TXLNB: variants seen among roughly 807,000 people sequenced by gnomAD.
The protein encoded by TXLNB is taxilin beta.
A neutral mutation model predicts 57.4 loss-of-function variants in TXLNB; 37 were observed. That is an observed-to-expected ratio of 0.64 (90% confidence interval 0.50 to 0.85). The LOEUF (loss-of-function observed/expected upper bound fraction) is 0.85. Among genes scored for constraint, TXLNB ranks in the 40% least tolerant of loss-of-function variants. TXLNB has a pLI of 0.00. For synonymous variants in TXLNB, 302 were observed against 309.6 expected, an observed-to-expected ratio of 0.98 and a Z score of 0.26; for missense variants, 848 against 825.6, an observed-to-expected ratio of 1.03 and a Z score of -0.33.
rs761273628 is a variant in TXLNB, at chr6:139,255,462, C to T, written c.1077+102G>A. On this transcript the variant is annotated intron_variant, in intron 7 of 9. Coordinates refer to ENST00000358430, the MANE Select transcript of TXLNB (RefSeq NM_153235.4). ...CATTTCCAATTCCCATCCCCCCATCCCCTGCCACATAGGAGGACTTCTGCT... is the reference window on the plus strand; with the variant it reads ...CATTTCCAATTCCCATCCCCCCATCTCCTGCCACATAGGAGGACTTCTGCT... The T allele has an allele frequency of 5.8e-6, 5 of 856,074 alleles. No homozygotes were observed. The African/African-American group carries it at 8.3e-5, about 14-fold the overall frequency. 53.0% of individuals were successfully genotyped at this position (856,074 alleles called of 1,614,324 possible). A position where few individuals can be genotyped will look rare whatever the true frequency, so the allele number is the denominator to read the frequency against.
At chr6:139,285,076 C>T (rs1421138510) in intron 2 of TXLNB, among the ~76,000 whole-genome samples, 1 of 145,126 alleles carries the variant, frequency 6.9e-6, no homozygotes, top group Admixed American at 6.8e-5. Flanking sequence ...CAAACACAGT[C>T]AGTTGGAATT....
At chr6:139,313,576 T>C in the TXLNB span, among the ~76,000 whole-genome samples, 215 of 151,648 alleles carry the variant, frequency 1.4e-3, no homozygotes, top group African/African-American at 5.0e-3. Context: ...GCAGGAGGTA[T>C]TGTTGAACAT....
the TXLNB span, chr6:139,180,654 T>C: frequency 7.2e-5 from 11 of 152,780 alleles, no homozygotes; most frequent in Admixed American, 3.9e-4. Flanking sequence ...CAAGATGTCT[T>C]GGATTGCACT....
the TXLNB span, among the ~76,000 whole-genome samples, chr6:139,176,061 G>A: frequency 3.3e-3 from 504 of 152,332 alleles, 1 homozygote; most frequent in Non-Finnish European, 5.3e-3. This position sits in a 1 kb window ranked among gnomAD's most constrained non-coding sequence, Gnocchi z 4.5. Context: ...GTGTGAAGAC[G>A]GGTTTGCTCA....
the TXLNB span, among the ~76,000 whole-genome samples, chr6:139,319,261 A>AT: frequency 0.042 from 5,451 of 130,158 alleles, 302 homozygotes; most frequent in African/African-American, 0.13. Context: ...TCCCTTTAAA[A>AT]TTTTTTTTTT....
upstream of TXLNB, among the ~76,000 whole-genome samples, chr6:139,294,938 G>A (rs955225052): frequency 1.3e-5 from 2 of 151,938 alleles, no homozygotes; most frequent in Admixed American, 6.6e-5. Context: ...GCAGTGAGCC[G>A]AGATTGTGCC....
chr6:139,284,732 G>A lies in TXLNB; in HGVS notation c.424+3744C>T, dbSNP rs767798437. On this transcript the variant is annotated intron_variant, in intron 2 of 9. Coordinates refer to ENST00000358430, the MANE Select transcript of TXLNB (RefSeq NM_153235.4). ...ATATCTGTGTGTGGGGGCTCAGGAGGAGCATTTTTCACAAATTTTGCAATT... is the reference window on the plus strand; with the variant it reads ...ATATCTGTGTGTGGGGGCTCAGGAGAAGCATTTTTCACAAATTTTGCAATT... Among the ~76,000 whole-genome samples the A allele has an allele frequency of 7.6e-5, 11 of 145,218 alleles. 2 individuals carry two copies. Among genetic ancestry groups the A allele is most frequent in the Non-Finnish European group, 1.4e-4 (9 of 65,344 alleles).
At chr6:139,252,402 C>G (rs957007012) in intron 7 of TXLNB, among the ~76,000 whole-genome samples, 1 of 152,164 alleles carries the variant, frequency 6.6e-6, no homozygotes. Flanking sequence ...TAATGAGGAG[C>G]TTGTTTAAAC....
At chr6:139,214,731 T>C in the TXLNB span, among the ~76,000 whole-genome samples, 3 of 152,240 alleles carry the variant, frequency 2.0e-5, no homozygotes, top group East Asian at 5.8e-4. Context: ...TAGAACCCCA[T>C]CATCTCAGCC....
the TXLNB span, among the ~76,000 whole-genome samples, chr6:139,192,836 G>A: frequency 2.6e-5 from 4 of 151,964 alleles, no homozygotes; most frequent in East Asian, 3.9e-4. Context: ...GGTGGCACAC[G>A]CCTGTATTCC....
chr6:139,236,804 A>T (rs144365919), downstream of TXLNB, among the ~76,000 whole-genome samples: 321 of 152,250 alleles, frequency 2.1e-3, no homozygotes, highest in African/African-American at 7.5e-3. Flanking sequence ...GGATTTTGCC[A>T]TGTTGCTCAG....
chr6:139,294,168 A>T (rs2114660413), upstream of TXLNB, among the ~76,000 whole-genome samples: 1 of 152,246 alleles, frequency 6.6e-6, no homozygotes, highest in East Asian at 1.9e-4. Context: ...AATAAATGCG[A>T]CTCAAATTAA....
downstream of TXLNB, chr6:139,239,310 G>A (rs1775872358): frequency 6.6e-6 from 1 of 152,188 alleles, no homozygotes; most frequent in Admixed American, 6.5e-5. This position sits in a 1 kb window ranked among gnomAD's most constrained non-coding sequence, Gnocchi z 4.7. Flanking sequence ...CCTTCCTCCA[G>A]GAGGACGCAC....
the TXLNB span, among the ~76,000 whole-genome samples, chr6:139,317,562 G>A: frequency 6.6e-6 from 1 of 152,054 alleles, no homozygotes; most frequent in African/African-American, 2.4e-5. Context: ...ACCACGCCCA[G>A]CTAATTTTTT....
chr6:139,227,264 G>A, the TXLNB span, among the ~76,000 whole-genome samples: 3 of 151,602 alleles, frequency 2.0e-5, no homozygotes, highest in East Asian at 1.9e-4. Flanking sequence ...GCTAGAACCC[G>A]AGAGGTGGAG....
chr6:139,288,813 G>A lies in TXLNB; in HGVS notation c.87C>T (p.Gly29=), dbSNP rs1305429163. 11 of 1,614,078 alleles carry A rather than the reference G, an allele frequency of 6.8e-6. No homozygotes were observed. In the East Asian group the frequency reaches 2.2e-4, roughly 33 times the overall value. ...AATCCTGGCCATCTTCCTTCTCCAG[G>A]CCATTGTGACTGGGTAATGATGAAC... ...GDSSSLPSHN[G]LEKEDGQDSP... The change falls in exon 2 of 10, where the codon GGC becomes GGT. Residue 29 remains glycine (G), a synonymous_variant. Transcript: ENST00000358430.
At chr6:139,309,017 C>T in the TXLNB span, among the ~76,000 whole-genome samples, 2 of 152,156 alleles carry the variant, frequency 1.3e-5, no homozygotes, top group Non-Finnish European at 2.9e-5. Flanking sequence ...CATTCCATTC[C>T]CTATTTGACA....
At chr6:139,293,114 T>C (rs186402292), upstream of TXLNB, among the ~76,000 whole-genome samples, 56 of 152,316 alleles carry the variant, frequency 3.7e-4, 1 homozygote, top group Admixed American at 2.2e-3. Context: ...TATTTATTTA[T>C]TGAGACAGAG....
the TXLNB span, among the ~76,000 whole-genome samples, chr6:139,316,380 C>A: frequency 2.6e-5 from 4 of 152,222 alleles, no homozygotes; most frequent in Non-Finnish European, 4.4e-5. Context: ...TGTTTGATCA[C>A]CCTGGCCTGT....
Sources: gnomAD v4.1 joint callset for allele counts (sites outside exome capture counted in the v4.1 genomes callset) on GRCh38, gnomAD v4.1.1 for gene constraint, Gnocchi (gnomAD v3.1) non-coding constraint, MANE v1.5 for transcripts, NCBI Gene and HGNC (gene_info 2026-07-23, HGNC 2026-07-21) for gene names.